Variants in XYLT1 observed in about 807,000 individuals in gnomAD.
XYLT1 encodes xylosyltransferase 1, also known as beta-D-xylosyltransferase 1.
Under a neutral mutation model 91.3 loss-of-function variants are expected in XYLT1, and 36 were observed. The ratio of observed to expected loss-of-function variants is 0.39; its 90% CI spans 0.30 to 0.52. The LOEUF is 0.52. XYLT1 is among the 20% of genes least tolerant of loss of function. XYLT1 has a pLI of 0.68. For missense variants in XYLT1, 1,242 were observed against 1,284.5 expected (o/e 0.97, Z 0.51); for synonymous variants, 588 against 532.0 (o/e 1.11, Z -1.45).
intron 2 of XYLT1, among the ~76,000 whole-genome samples, chr16:17,261,924 A>G (rs2033728173): frequency 6.7e-6 from 1 of 149,224 alleles, no homozygotes; most frequent in African/African-American, 2.6e-5. Context: ...CTCCACAGAT[A>G]CCTACAAAAA....
chr16:17,468,541 G>C (rs188092579), intron 1 of XYLT1, among the ~76,000 whole-genome samples: 5 of 152,250 alleles, frequency 3.3e-5, no homozygotes, highest in Admixed American at 2.6e-4. Context: ...AAAATAGTGT[G>C]TTCCCACCTA....
chr16:17,274,865 T>C (rs2033948846), intron 2 of XYLT1, among the ~76,000 whole-genome samples: 1 of 152,138 alleles, frequency 6.6e-6, no homozygotes, highest in Non-Finnish European at 1.5e-5. Context: ...ACACACTTTA[T>C]ATAGATTATC....
intron 1 of XYLT1, 141 bp from the exon 2 acceptor site, chr16:17,358,191 A>G (rs536646438): frequency 2.4e-6 from 2 of 818,496 alleles, no homozygotes; most frequent in Admixed American, 2.7e-5. Flanking sequence ...GAGCAGTGGC[A>G]TGATCATAGC....
At chr16:17,110,806 A>G (rs925257983) in intron 11 of XYLT1, among the ~76,000 whole-genome samples, 1 of 152,098 alleles carries the variant, frequency 6.6e-6, no homozygotes, top group African/African-American at 2.4e-5. Flanking sequence ...CTTATCACTC[A>G]CCCTGATACT....
intron 2 of XYLT1, among the ~76,000 whole-genome samples, chr16:17,301,536 T>A (rs1219687752): frequency 6.6e-6 from 1 of 152,186 alleles, no homozygotes; most frequent in Non-Finnish European, 1.5e-5. Context: ...TTAAATTAAA[T>A]TTTTCTTCTT....
At chr16:17,458,264 T>C (rs544756592) in intron 1 of XYLT1, among the ~76,000 whole-genome samples, 1 of 152,362 alleles carries the variant, frequency 6.6e-6, no homozygotes, top group South Asian at 2.1e-4. Context: ...TAGGAGAGTC[T>C]TGGTTCAGGG....
chr16:17,229,660 T>C (rs1193532808), intron 3 of XYLT1, among the ~76,000 whole-genome samples: 1 of 152,214 alleles, frequency 6.6e-6, no homozygotes, highest in Admixed American at 6.5e-5. Context: ...GGGGAATGCA[T>C]TCCAAGTTGC....
intron 2 of XYLT1, among the ~76,000 whole-genome samples, chr16:17,311,088 A>T (rs2034540810): frequency 6.6e-6 from 1 of 152,168 alleles, no homozygotes; most frequent in Admixed American, 6.5e-5. Flanking sequence ...CCTTGCCTTC[A>T]GCCCAGGATA....
At chr16:17,116,615 G>A (rs957307384) in intron 11 of XYLT1, among the ~76,000 whole-genome samples, 4 of 152,158 alleles carry the variant, frequency 2.6e-5, no homozygotes, top group African/African-American at 4.8e-5. Context: ...GTGCTATTAA[G>A]AATAATTCTC....
intron 2 of XYLT1, among the ~76,000 whole-genome samples, chr16:17,265,464 A>T (rs577380286): frequency 6.6e-6 from 1 of 152,266 alleles, no homozygotes; most frequent in Non-Finnish European, 1.5e-5. Context: ...CAACCCTTTG[A>T]CTTACTTTAT....
intron 1 of XYLT1, among the ~76,000 whole-genome samples, chr16:17,390,716 T>A (rs1173106637): frequency 6.6e-6 from 1 of 152,220 alleles, no homozygotes; most frequent in Non-Finnish European, 1.5e-5. Context: ...GTAAAGCTAA[T>A]GTAGGTCCAT....
At position 17,462,864 on chromosome 16, in the gene XYLT1, G is replaced by A. The variant is rs186434622; in HGVS notation, c.363+7570C>T. Among the ~76,000 whole-genome samples, 58 of 152,232 alleles carry A rather than the reference G, an allele frequency of 3.8e-4. No individual in the cohort carries two copies. The East Asian group carries it at 0.01, about 27-fold the overall frequency. On this transcript the variant is annotated intron_variant, in intron 1 of 11. Transcript: ENST00000261381. ...TAGTACACAGCTTGAAGGATTAAAT[G>A]AGTTCATGCACAAAGAGGGTTTAGA... is the stretch of plus-strand genomic sequence containing the variant.
At chr16:17,364,640 A>T (rs2035426003) in intron 1 of XYLT1, among the ~76,000 whole-genome samples, 1 of 152,176 alleles carries the variant, frequency 6.6e-6, no homozygotes, top group Non-Finnish European at 1.5e-5. Flanking sequence ...TTCGTTTTGA[A>T]TGCTTACTTT....
At chr16:17,207,231 TG>T (rs2032666762) in intron 3 of XYLT1, among the ~76,000 whole-genome samples, 1 of 152,146 alleles carries the variant, frequency 6.6e-6, no homozygotes, top group South Asian at 2.1e-4. Flanking sequence ...CTAAATTTTT[TG>T]TATTTTTGAT....
At chr16:17,449,034 C>T (rs2036630516) in intron 1 of XYLT1, among the ~76,000 whole-genome samples, 1 of 152,160 alleles carries the variant, frequency 6.6e-6, no homozygotes, top group Non-Finnish European at 1.5e-5. Flanking sequence ...TTCATTCCAC[C>T]AACTGAGACA....
At chr16:17,391,879 C>T (rs1348157210) in intron 1 of XYLT1, among the ~76,000 whole-genome samples, 3 of 152,158 alleles carry the variant, frequency 2.0e-5, no homozygotes, top group Non-Finnish European at 4.4e-5. Flanking sequence ...TTTCACTTGG[C>T]TCTTATTCTC....
chr16:17,458,350 A>G (rs1264732864), intron 1 of XYLT1, among the ~76,000 whole-genome samples: 2 of 152,192 alleles, frequency 1.3e-5, no homozygotes, highest in Admixed American at 1.3e-4. Context: ...CACTTGGGGG[A>G]ATAGAGTACA....
intron 2 of XYLT1, among the ~76,000 whole-genome samples, chr16:17,323,804 G>A (rs2034761059): frequency 6.6e-6 from 1 of 152,078 alleles, no homozygotes; most frequent in Non-Finnish European, 1.5e-5. Context: ...AGATGAATAT[G>A]CCCAGGTCTG....
At chr16:17,231,597 C>T (rs566359392) in intron 3 of XYLT1, among the ~76,000 whole-genome samples, 32 of 152,242 alleles carry the variant, frequency 2.1e-4, no homozygotes, top group African/African-American at 7.5e-4. Context: ...TATCACAGAG[C>T]GCAGTTACAC....
Sources: gnomAD v4.1 joint callset for allele counts (sites outside exome capture counted in the v4.1 genomes callset) on GRCh38, gnomAD v4.1.1 for gene constraint, MANE v1.5 for transcripts, NCBI Gene and HGNC (gene_info 2026-07-23, HGNC 2026-07-21) for gene names.